The following TRPC5 variants were observed in gnomAD, a reference collection of about 807,000 sequenced individuals.
TRPC5 encodes transient receptor potential cation channel subfamily C member 5.
A neutral mutation model predicts 56.5 loss-of-function variants in TRPC5; 9 were observed. That is an observed-to-expected ratio of 0.16 (90% CI 0.10 to 0.28). The LOEUF is 0.28. Among genes scored for constraint, TRPC5 ranks in the 10% least tolerant of loss-of-function variants. The pLI, the probability that TRPC5 is intolerant of heterozygous loss-of-function variation, is 1.00. For missense variants in TRPC5, 469 were observed against 748.9 expected, an observed-to-expected ratio of 0.63 and a Z score of 4.36; for synonymous variants, 282 against 278.5, an observed-to-expected ratio of 1.01 and a Z score of -0.13.
Position 111,778,954 on chromosome X carries a change from A to G in TRPC5, c.2232+31T>C, listed in dbSNP as rs759656771. On this transcript the variant is annotated intron_variant, in intron 10 of 10. Transcript: ENST00000262839. ...AGATTAAATGATGCTTATGATATGT[A>G]AAATGAAAAACCACTTCATGATTAA... is the stretch of plus-strand genomic sequence containing the variant. 2.6e-5 allele frequency: 28 copies of G among 1,056,685 alleles called. 1 individual carries two copies. The South Asian group carries it at 5.6e-4, about 21-fold the overall frequency. 87.1% of individuals were successfully genotyped at this position (1,056,685 alleles called of 1,213,427 possible).
intron 1 of TRPC5, among the ~76,000 whole-genome samples, chrX:111,971,336 T>G (rs1927779290): frequency 9.0e-6 from 1 of 111,718 alleles, no homozygotes; most frequent in Admixed American, 9.5e-5. Flanking sequence ...AAATGAAGTT[T>G]GAGATTCAGT....
intron 1 of TRPC5, among the ~76,000 whole-genome samples, chrX:112,081,033 G>T (rs1387615377): frequency 1.8e-5 from 2 of 112,030 alleles, no homozygotes; most frequent in African/African-American, 6.5e-5. Flanking sequence ...TTTCAGGCTG[G>T]TTTCCCCGCT....
At chrX:111,999,961 G>A (rs764193043) in intron 1 of TRPC5, among the ~76,000 whole-genome samples, 15 of 111,489 alleles carry the variant, frequency 1.3e-4, no homozygotes, top group Non-Finnish European at 2.1e-4. Context: ...GCAACACTCC[G>A]TCTCAAAATA....
chrX:112,054,032 G>C (rs1930281594), intron 1 of TRPC5, among the ~76,000 whole-genome samples: 1 of 112,010 alleles, frequency 8.9e-6, no homozygotes, highest in Non-Finnish European at 1.9e-5. Context: ...CAGTGGTATG[G>C]GTGGATATAT....
chrX:111,812,264 G>C (rs1921733006), intron 7 of TRPC5, among the ~76,000 whole-genome samples: 1 of 111,133 alleles, frequency 9.0e-6, no homozygotes, highest in Non-Finnish European at 1.9e-5. Context: ...AGTAGGCCAA[G>C]TTATAAACCA....
At chrX:111,861,914 G>A (rs961066330) in intron 3 of TRPC5, among the ~76,000 whole-genome samples, 2 of 111,106 alleles carry the variant, frequency 1.8e-5, no homozygotes, top group African/African-American at 6.5e-5. Context: ...TATTTATTTA[G>A]TACGCCAGAT....
chrX:111,853,285 T>A (rs976304375), intron 4 of TRPC5, among the ~76,000 whole-genome samples: 2 of 111,572 alleles, frequency 1.8e-5, no homozygotes, highest in African/African-American at 6.5e-5. Flanking sequence ...GCTTTTACCA[T>A]GATGTGTGAA....
chrX:111,769,641 A>AG lies in TRPC5; in HGVS notation c.*6671dup, dbSNP rs1945832448. Among the ~76,000 whole-genome samples the AG allele has an allele frequency of 1.8e-5, 2 of 112,011 alleles. No individual in the cohort carries two copies. The highest frequency in any genetic ancestry group is 6.5e-5 in the African/African-American group (2 of 30,843). ...AAATCATTCCTCAATAAAGTTAATTAGGGGAAAAAAACTAGATTCCCAAGA... is the reference window on the plus strand; with the variant it reads ...AAATCATTCCTCAATAAAGTTAATTAGGGGGAAAAAAACTAGATTCCCAAGA... On this transcript the variant is annotated 3_prime_UTR_variant, in exon 11 of 11. Transcript: ENST00000262839.
At chrX:111,984,085 G>T (rs1928149041) in intron 1 of TRPC5, among the ~76,000 whole-genome samples, 1 of 111,473 alleles carries the variant, frequency 9.0e-6, no homozygotes, top group African/African-American at 3.3e-5. Flanking sequence ...GTAACTTTCT[G>T]TCCCATGTTC....
intron 3 of TRPC5, among the ~76,000 whole-genome samples, chrX:111,910,482 T>C (rs1295773340): frequency 2.7e-5 from 3 of 112,039 alleles, no homozygotes; most frequent in African/African-American, 9.7e-5. Flanking sequence ...TTAGACCATA[T>C]ACCACGAGTC....
At chrX:112,046,151 T>C (rs1450330669) in intron 1 of TRPC5, among the ~76,000 whole-genome samples, 5 of 108,729 alleles carry the variant, frequency 4.6e-5, no homozygotes, top group Non-Finnish European at 7.6e-5. Flanking sequence ...GAAAACTAGA[T>C]GCATCATAAC....
chrX:111,801,238 C>T lies in TRPC5; in HGVS notation c.1897-19100G>A, dbSNP rs191456215. ...AACGTGTCGGTACTTCATTCCTTTC[C>T]GTGGCTGAATAATATTTCCTTGTAT... On this transcript the variant is annotated intron_variant, in intron 7 of 10. Coordinates refer to ENST00000262839, the MANE Select transcript of TRPC5 (RefSeq NM_012471.3). Among the ~76,000 whole-genome samples the T allele has an allele frequency of 4.5e-5, 5 of 112,019 alleles. No individual in the cohort carries two copies. The East Asian group carries it at 8.4e-4, about 19-fold the overall frequency.
At chrX:111,901,761 T>C in intron 3 of TRPC5, 5 of 725,367 alleles carry the variant, frequency 6.9e-6, no homozygotes, top group Non-Finnish European at 9.6e-6. Flanking sequence ...ACAGAACCAT[T>C]GTTAGCCCCT....
chrX:112,068,953 T>A lies in TRPC5; in HGVS notation c.-22+12926A>T, dbSNP rs755510031. On this transcript the variant is annotated intron_variant, in intron 1 of 10. Coordinates refer to ENST00000262839, the MANE Select transcript of TRPC5 (RefSeq NM_012471.3). ...CTACCTTAAACTGAGAAGAAAGAAA[T>A]GGGCTCAGAGAGGTGATGTGACTTG... is the stretch of plus-strand genomic sequence containing the variant. Among the ~76,000 whole-genome samples the A allele has an allele frequency of 7.2e-5, 8 of 111,863 alleles. No individual in the cohort carries two copies. The East Asian group carries it at 2.3e-3, about 31-fold the overall frequency.
intron 1 of TRPC5, among the ~76,000 whole-genome samples, chrX:111,965,737 C>G (rs892934072): frequency 9.0e-6 from 1 of 111,620 alleles, no homozygotes; most frequent in Admixed American, 9.5e-5. Flanking sequence ...GGGTACATAA[C>G]GAAATGAAGG....
At chrX:111,913,420 G>A (rs1186080406) in intron 2 of TRPC5, among the ~76,000 whole-genome samples, 1 of 111,125 alleles carries the variant, frequency 9.0e-6, no homozygotes, top group Non-Finnish European at 1.9e-5. Flanking sequence ...CCAACTTCCT[G>A]TAGGTCCCAG....
rs1427653555 is a variant in TRPC5, at chrX:112,001,558, G to A, written c.-21-49117C>T. On this transcript the variant is annotated intron_variant, in intron 1 of 10. Transcript: ENST00000262839. ...GCAGATCACTTGAGGCTAGGAGTTC[G>A]AGACCAGCCTGGCCAACACGGCAAA... 2.7e-5 allele frequency among the ~76,000 whole-genome samples: 3 copies of A among 111,802 alleles called. No individual in the cohort carries two copies. In the Admixed American group the frequency reaches 2.8e-4, roughly 11 times the overall value.
intron 3 of TRPC5, among the ~76,000 whole-genome samples, chrX:111,882,854 G>C (rs551577057): frequency 1.8e-5 from 2 of 112,126 alleles, no homozygotes; most frequent in Non-Finnish European, 3.8e-5. Context: ...GGGAGGCCAA[G>C]GCAGGAGAGT....
chrX:112,018,482 T>C (rs1263297136), intron 1 of TRPC5, among the ~76,000 whole-genome samples: 1 of 112,276 alleles, frequency 8.9e-6, no homozygotes, highest in Non-Finnish European at 1.9e-5. Context: ...TGTAATGTTG[T>C]TCCATTTACA....
Sources: gnomAD v4.1 joint callset for allele counts (sites outside exome capture counted in the v4.1 genomes callset) on GRCh38, gnomAD v4.1.1 for gene constraint, MANE v1.5 for transcripts, NCBI Gene and HGNC (gene_info 2026-07-23, HGNC 2026-07-21) for gene names.